The following SLC10A7 variants were observed in gnomAD, a reference collection of about 807,000 sequenced individuals.
The protein encoded by SLC10A7 is sodium/bile acid cotransporter 7.
In SLC10A7, 29 loss-of-function variants were observed where a neutral mutation model predicts 43.2. That is an observed-to-expected ratio of 0.67 (90% CI 0.50 to 0.92). The LOEUF (loss-of-function observed/expected upper bound fraction) is 0.92, where lower values mean the gene tolerates loss of function less well. Among genes scored for constraint, SLC10A7 ranks in the 40% least tolerant of loss-of-function variants. The probability of loss-of-function intolerance (pLI) is 0.00; values close to 1 mark genes in which losing one functional copy is unlikely to be tolerated. For missense variants in SLC10A7, 295 were observed against 403.2 expected, an observed-to-expected ratio of 0.73 and a Z score of 2.30; for synonymous variants, 152 against 144.8, an observed-to-expected ratio of 1.05 and a Z score of -0.35.
At chr4:146,274,200 CTTTTTTTTTT>C (rs35963098) in intron 10 of SLC10A7, among the ~76,000 whole-genome samples, 1 of 118,538 alleles carries the variant, frequency 8.4e-6, no homozygotes, top group African/African-American at 3.3e-5. Flanking sequence ...TCAGATTATA[CTTTTTTTTTT>C]TTTTTTTTTT....
At chr4:146,427,400 T>G (rs1405141575) in intron 5 of SLC10A7, among the ~76,000 whole-genome samples, 1 of 152,208 alleles carries the variant, frequency 6.6e-6, no homozygotes, top group East Asian at 1.9e-4. Context: ...TTTTTAACAC[T>G]GGTTTGCACT....
intron 2 of SLC10A7, among the ~76,000 whole-genome samples, chr4:146,512,815 G>C (rs1427074836): frequency 6.6e-6 from 1 of 152,058 alleles, no homozygotes; most frequent in African/African-American, 2.4e-5. Flanking sequence ...TTTATCCTTT[G>C]CAACATGTTT....
chr4:146,377,174 C>T (rs1737260488), intron 5 of SLC10A7, among the ~76,000 whole-genome samples: 1 of 152,070 alleles, frequency 6.6e-6, no homozygotes, highest in Admixed American at 6.5e-5. Context: ...AGAGAAGTTA[C>T]TGTTTATTTC....
At chr4:146,332,660 G>A (rs1162934810) in intron 5 of SLC10A7, among the ~76,000 whole-genome samples, 1 of 152,122 alleles carries the variant, frequency 6.6e-6, no homozygotes, top group Non-Finnish European at 1.5e-5. Context: ...ATAGCCTGCA[G>A]AACCATAAGC....
intron 5 of SLC10A7, among the ~76,000 whole-genome samples, chr4:146,333,783 G>T (rs1733695919): frequency 6.6e-6 from 1 of 151,936 alleles, no homozygotes; most frequent in South Asian, 2.1e-4. Flanking sequence ...GTGGGGAGGG[G>T]CAATAGAACT....
chr4:146,425,971 T>C (rs187597023), intron 5 of SLC10A7, among the ~76,000 whole-genome samples: 49 of 152,344 alleles, frequency 3.2e-4, no homozygotes, highest in Admixed American at 5.2e-4. Context: ...CTTGTGAATT[T>C]AACCATGAAG....
intron 7 of SLC10A7, among the ~76,000 whole-genome samples, chr4:146,300,780 T>A (rs1235802915): frequency 6.6e-6 from 1 of 152,116 alleles, no homozygotes; most frequent in African/African-American, 2.4e-5. Context: ...AAAGATATAC[T>A]TTTTTTTCAG....
At chr4:146,380,261 C>G (rs545230400) in intron 5 of SLC10A7, among the ~76,000 whole-genome samples, 1 of 152,180 alleles carries the variant, frequency 6.6e-6, no homozygotes, top group East Asian at 1.9e-4. Context: ...ATAGTTTTGA[C>G]AGTATGTGAA....
intron 5 of SLC10A7, among the ~76,000 whole-genome samples, chr4:146,430,397 G>A (rs1351767785): frequency 1.3e-5 from 2 of 152,082 alleles, no homozygotes; most frequent in African/African-American, 4.8e-5. Context: ...CATTGCCCTG[G>A]CTCTTGGAAA....
At chr4:146,356,285 G>C (rs952086629) in intron 5 of SLC10A7, among the ~76,000 whole-genome samples, 14 of 151,938 alleles carry the variant, frequency 9.2e-5, no homozygotes, top group African/African-American at 3.4e-4. Context: ...TCAGTTTCCT[G>C]TTTACTATGT....
intron 9 of SLC10A7, among the ~76,000 whole-genome samples, chr4:146,289,623 C>A (rs1307375556): frequency 6.6e-6 from 1 of 150,622 alleles, no homozygotes; most frequent in Non-Finnish European, 1.5e-5. Flanking sequence ...TGAATCAACT[C>A]ATTTCCTAGC....
chr4:146,427,135 G>A (rs556106069), intron 5 of SLC10A7, among the ~76,000 whole-genome samples: 3 of 151,982 alleles, frequency 2.0e-5, no homozygotes, highest in African/African-American at 7.2e-5. Context: ...TTGTAGACCA[G>A]CTTGGGTAAC....
intron 6 of SLC10A7, among the ~76,000 whole-genome samples, chr4:146,323,067 T>G (rs750863257): frequency 1.2e-4 from 19 of 152,268 alleles, no homozygotes; most frequent in Non-Finnish European, 2.5e-4. Context: ...GTTGATGGGG[T>G]TGCTTTTTCT....
intron 9 of SLC10A7, among the ~76,000 whole-genome samples, chr4:146,283,773 A>G (rs1466665095): frequency 6.6e-6 from 1 of 152,154 alleles, no homozygotes; most frequent in Non-Finnish European, 1.5e-5. Context: ...CATTTCTCTA[A>G]TGTCTTTACA....
At chr4:146,314,893 A>G (rs1378193508) in intron 6 of SLC10A7, among the ~76,000 whole-genome samples, 1 of 152,150 alleles carries the variant, frequency 6.6e-6, no homozygotes, top group Non-Finnish European at 1.5e-5. Flanking sequence ...GCTCATGACA[A>G]CACCATCCAA....
At chr4:146,504,347 A>G (rs576681480) in intron 3 of SLC10A7, among the ~76,000 whole-genome samples, 1 of 151,994 alleles carries the variant, frequency 6.6e-6, no homozygotes, top group Non-Finnish European at 1.5e-5. Context: ...GTGAAACCCC[A>G]TCTCTACTAA....
chr4:146,477,105 T>C (rs1048811140), intron 4 of SLC10A7, among the ~76,000 whole-genome samples: 7 of 152,248 alleles, frequency 4.6e-5, no homozygotes, highest in African/African-American at 1.7e-4. Flanking sequence ...AAAAGAAGCC[T>C]TGACCACTAC....
chr4:146,341,034 C>T (rs1332435073), intron 5 of SLC10A7, among the ~76,000 whole-genome samples: 2 of 151,772 alleles, frequency 1.3e-5, no homozygotes, highest in African/African-American at 4.8e-5. Context: ...TGAATCACTG[C>T]ATGTTTAAAA....
intron 6 of SLC10A7, among the ~76,000 whole-genome samples, chr4:146,321,555 A>G (rs1246354326): frequency 3.3e-5 from 5 of 152,268 alleles, no homozygotes; most frequent in African/African-American, 1.2e-4. Flanking sequence ...AATTCAACTC[A>G]CAACAGGGAC....
Sources: allele counts gnomAD v4.1 joint callset (sites outside exome capture counted in the v4.1 genomes callset), GRCh38; gene constraint gnomAD v4.1.1; transcripts MANE v1.5; gene names NCBI Gene and HGNC (gene_info 2026-07-23, HGNC 2026-07-21).